The following GCNT2 variants were observed in gnomAD, a reference collection of about 807,000 sequenced individuals.
The protein encoded by GCNT2 is N-acetyllactosaminide beta-1,6-N-acetylglucosaminyl-transferase.
Under a neutral mutation model 34.2 loss-of-function variants are expected in GCNT2, and 34 were observed. That is an observed-to-expected ratio of 1.00 (90% confidence interval 0.76 to 1.32). The LOEUF (loss-of-function observed/expected upper bound fraction) is 1.32. Among genes scored for constraint, GCNT2 ranks in the 40% most tolerant of loss-of-function variants. The pLI, the probability that GCNT2 is intolerant of heterozygous loss-of-function variation, is 0.00. For missense variants in GCNT2, 584 were observed against 489.4 expected (o/e 1.19, Z -1.82); for synonymous variants, 212 against 188.0 (o/e 1.13, Z -1.04).
At chr6:10,547,689 A>G (rs1362041610) in intron 3 of GCNT2, among the ~76,000 whole-genome samples, 1 of 152,186 alleles carries the variant, frequency 6.6e-6, no homozygotes, top group South Asian at 2.1e-4. Context: ...CAGTTTTGCC[A>G]TTCATTGGAT....
At chr6:10,606,654 A>ATTTCCATTAAAGAAATTTAATGGAAG (rs1765326993) in intron 3 of GCNT2, among the ~76,000 whole-genome samples, 1 of 129,830 alleles carries the variant, frequency 7.7e-6, no homozygotes, top group African/African-American at 2.6e-5. Flanking sequence ...TTTAATGGAA[A>ATTTCCATTAAAGAAATTTAATGGAAG]TTTCCATTAA....
Position 10,601,960 on chromosome 6 carries a change from AC to A in GCNT2, c.926-19390del, listed in dbSNP as rs376466077. On this transcript the variant is annotated intron_variant, in intron 3 of 4. Coordinates refer to ENST00000495262, the MANE Select transcript of GCNT2 (RefSeq NM_145649.5). Reference sequence around the variant, plus strand: ...CATCTCAAGAAAAAAAAAAAAAAAAACAAAAAAAACACTAAAGCCCTTGATG... The same window carrying A: ...CATCTCAAGAAAAAAAAAAAAAAAAAAAAAAAAACACTAAAGCCCTTGATG... Among the ~76,000 whole-genome samples, 431 of 123,068 alleles carry A rather than the reference AC, an allele frequency of 3.5e-3. 11 individuals are homozygous for A. The highest frequency in any genetic ancestry group is 0.014 in the South Asian group (56 of 4,142). 80.7% of individuals were successfully genotyped at this position (123,068 alleles called of 152,430 possible).
At chr6:10,592,042 T>C (rs1475128292) in intron 3 of GCNT2, among the ~76,000 whole-genome samples, 1 of 152,248 alleles carries the variant, frequency 6.6e-6, no homozygotes, top group Non-Finnish European at 1.5e-5. Context: ...ATTGGACCCG[T>C]GACTGAGAAT....
At chr6:10,583,922 A>G (rs57273991) in intron 3 of GCNT2, among the ~76,000 whole-genome samples, 7,679 of 152,164 alleles carry the variant, frequency 0.05, 681 homozygotes, top group African/African-American at 0.17. Flanking sequence ...ATGCAAACTT[A>G]GGTGTGTTTG....
intron 4 of GCNT2, among the ~76,000 whole-genome samples, chr6:10,624,111 G>A (rs1341296646): frequency 6.6e-6 from 1 of 152,030 alleles, no homozygotes; most frequent in African/African-American, 2.4e-5. Flanking sequence ...TAGGCCTCCT[G>A]GCTACCTACT....
Position 10,626,581 on chromosome 6 carries a change from G to T in GCNT2, c.1183G>T (p.Ala395Ser). Residue 395 changes from alanine (A) to serine (S), a missense_variant, in exon 5 of 5, where the codon GCG becomes TCG. By Grantham distance (99) the Ala-to-Ser change is moderately conservative (BLOSUM62 1). Coordinates refer to ENST00000495262, the MANE Select transcript of GCNT2 (RefSeq NM_145649.5). The stretch of plus-strand genomic sequence containing the variant: ...AAGAACCCTCAATCAGAGTGAAACT[G>T]CGATACAACCCAGCTGGTATTTTTG... ...RERTLNQSET[A>S]IQPSWYF 1 of 1,613,816 alleles carries T rather than the reference G, an allele frequency of 6.2e-7. No homozygotes were observed. Among genetic ancestry groups the T allele is most frequent in the Non-Finnish European group, 8.5e-7 (1 of 1,179,720 alleles).
intron 3 of GCNT2, chr6:10,586,861 A>G (rs764548738): frequency 8.1e-6 from 13 of 1,614,030 alleles, no homozygotes; most frequent in Middle Eastern, 1.6e-4. Context: ...CAATGGTCAA[A>G]AGATACCTAT....
At position 10,626,206 on chromosome 6, in the gene GCNT2, A is replaced by G. The variant is rs187467250; in HGVS notation, c.1019-211A>G. 1.4e-4 allele frequency among the ~76,000 whole-genome samples: 21 copies of G among 152,118 alleles called. No homozygotes were observed. The East Asian group carries it at 4.0e-3, about 29-fold the overall frequency. ...TTATGCCTTGTATGATTTAACTCTC[A>G]TTTTTTTCAAATAACATATTTGTAC... On this transcript the variant is annotated intron_variant, in intron 4 of 4. Transcript: ENST00000495262.
intron 3 of GCNT2, among the ~76,000 whole-genome samples, chr6:10,568,868 G>C: frequency 6.6e-6 from 1 of 152,022 alleles, no homozygotes; most frequent in Admixed American, 6.6e-5. Flanking sequence ...CTTGTTTAAT[G>C]GTATGTCATT....
At chr6:10,556,867 T>C in intron 3 of GCNT2, 1 of 1,614,132 alleles carries the variant, frequency 6.2e-7, no homozygotes, top group Non-Finnish European at 8.5e-7. Flanking sequence ...TCCCAAACGC[T>C]TTTCTGGCTT....
intron 1 of GCNT2, among the ~76,000 whole-genome samples, chr6:10,526,746 G>T (rs531871799): frequency 1.6e-4 from 24 of 152,256 alleles, no homozygotes; most frequent in African/African-American, 5.8e-4. Flanking sequence ...TTTCCTATAG[G>T]CAAGAGGTAA....
intron 3 of GCNT2, among the ~76,000 whole-genome samples, chr6:10,593,959 C>T (rs1764747728): frequency 6.6e-6 from 1 of 152,210 alleles, no homozygotes; most frequent in Non-Finnish European, 1.5e-5. Context: ...TGTTAGTTTA[C>T]ACTGAGCCTT....
intron 3 of GCNT2, among the ~76,000 whole-genome samples, chr6:10,592,432 T>C (rs1764690639): frequency 6.6e-6 from 1 of 152,210 alleles, no homozygotes; most frequent in Non-Finnish European, 1.5e-5. Context: ...GGGAAGATTT[T>C]AATTTACAAT....
At chr6:10,591,422 A>G (rs777089505) in intron 3 of GCNT2, among the ~76,000 whole-genome samples, 2 of 152,190 alleles carry the variant, frequency 1.3e-5, no homozygotes, top group African/African-American at 2.4e-5. Context: ...CCAACAAATG[A>G]TATCAGTAAA....
intron 3 of GCNT2, among the ~76,000 whole-genome samples, chr6:10,617,490 C>A (rs1236385399): frequency 6.6e-6 from 1 of 152,178 alleles, no homozygotes; most frequent in East Asian, 1.9e-4. Context: ...CTGAAGGGCT[C>A]CTCAAGTGGG....
intron 3 of GCNT2, among the ~76,000 whole-genome samples, chr6:10,608,573 T>C (rs1765422663): frequency 6.6e-6 from 1 of 152,164 alleles, no homozygotes; most frequent in African/African-American, 2.4e-5. Context: ...GTGGTACATG[T>C]CTGTAATCCT....
At chr6:10,601,798 G>A (rs960350082) in intron 3 of GCNT2, among the ~76,000 whole-genome samples, 18 of 151,912 alleles carry the variant, frequency 1.2e-4, no homozygotes, top group South Asian at 4.2e-4. Flanking sequence ...AAAATTAGCC[G>A]GGCGTGGTGG....
intron 1 of GCNT2, among the ~76,000 whole-genome samples, chr6:10,525,779 C>A (rs1485537557): frequency 6.6e-6 from 1 of 152,152 alleles, no homozygotes; most frequent in African/African-American, 2.4e-5. Context: ...CTTGTACTTG[C>A]AGCAGAGCAC....
intron 3 of GCNT2, among the ~76,000 whole-genome samples, chr6:10,568,563 G>A (rs2127393333): frequency 6.6e-6 from 1 of 152,244 alleles, no homozygotes; most frequent in South Asian, 2.1e-4. Context: ...TGCTTCTTAA[G>A]ACATAGCTCT....
Sources: allele counts gnomAD v4.1 joint callset (sites outside exome capture counted in the v4.1 genomes callset), GRCh38; gene constraint gnomAD v4.1.1; transcripts MANE v1.5; gene names NCBI Gene and HGNC (gene_info 2026-07-23, HGNC 2026-07-21).